IGSF9B: variants seen among roughly 807,000 people sequenced by gnomAD.
IGSF9B encodes the protein protein turtle homolog B.
A neutral mutation model predicts 143.7 loss-of-function variants in IGSF9B; 48 were observed. That is an observed-to-expected ratio of 0.33 (90% confidence interval 0.26 to 0.42). The LOEUF (loss-of-function observed/expected upper bound fraction) is 0.42, where lower values mean the gene tolerates loss of function less well. Ranked by LOEUF, IGSF9B falls within the 20% of genes least tolerant of loss-of-function variation. The pLI is 1.00. For missense variants in IGSF9B, 1,706 were observed against 1,980.0 expected (o/e 0.86, Z 2.63); for synonymous variants, 903 against 833.1 (o/e 1.08, Z -1.44).
intron 1 of IGSF9B, among the ~76,000 whole-genome samples, chr11:133,950,494 C>A (rs1375356417): frequency 6.6e-6 from 1 of 152,162 alleles, no homozygotes; most frequent in African/African-American, 2.4e-5. Flanking sequence ...CAGCTGTGCC[C>A]GATGCACGGA....
chr11:133,934,333 A>G (rs760056295), intron 7 of IGSF9B, among the ~76,000 whole-genome samples: 18 of 152,214 alleles, frequency 1.2e-4, no homozygotes, highest in Non-Finnish European at 2.1e-4. Flanking sequence ...GCCTGCGTCC[A>G]GCACAGAGGG....
chr11:133,920,871 G>A lies in IGSF9B; in HGVS notation c.2854C>T (p.Gln952Ter), dbSNP rs1362771257. 2 of 1,605,438 alleles carry A rather than the reference G, an allele frequency of 1.2e-6. No individual in the cohort carries two copies. Among genetic ancestry groups the A allele is most frequent in the African/African-American group, 1.3e-5 (1 of 74,694 alleles). The stretch of plus-strand genomic sequence containing the variant: ...GGCCGGGGGGCAGGGGGCCGGGCCT[G>A]GCCTGTGGCCTGAAGCCGACCTTCC... ...GLEGRLQATGQARPPAPRPFH... is the reference protein window; with the variant it reads ...GLEGRLQATG The change falls in exon 18 of 20, where the codon CAG becomes TAG. Residue 952 changes from glutamine (Q) to a stop codon, truncating the protein, a stop_gained. Coordinates refer to ENST00000533871, the MANE Select transcript of IGSF9B (RefSeq NM_001277285.4). LOFTEE classifies it high-confidence loss of function.
At position 133,944,323 on chromosome 11, in the gene IGSF9B, T is replaced by C. The variant is rs1940003950; in HGVS notation, c.306A>G (p.Gln102=). 1 of 1,613,848 alleles carries C rather than the reference T, an allele frequency of 6.2e-7. No homozygotes were observed. The highest frequency in any genetic ancestry group is 8.5e-7 in the Non-Finnish European group (1 of 1,179,890). ...ACCAGCCCTGGTCCTCAGAGCGAAC[T>C]TGTTCCAGCCGCAGAGATGCCTTAT... The part of the protein sequence containing the change: ...LHDKASLRLE[Q]VRSEDQGWYE... Residue 102 remains glutamine, a synonymous_variant, in exon 3 of 20, where the codon CAA becomes CAG. Coordinates refer to ENST00000533871, the MANE Select transcript of IGSF9B (RefSeq NM_001277285.4).
chr11:133,922,836 G>T, intron 15 of IGSF9B, 106 bp from the exon 16 acceptor site: 1 of 1,125,130 alleles, frequency 8.9e-7, no homozygotes, highest in Non-Finnish European at 1.2e-6. Flanking sequence ...AGAACAGACA[G>T]TGTCAAGGCT....
At position 133,921,301 on chromosome 11, in the gene IGSF9B, C is replaced by T. The variant is rs746341697; in HGVS notation, c.2424G>A (p.Met808Ile). ...DDQGQPAAKR[M>I]LSPTREKELS... Reference sequence around the variant, plus strand: ...GCTCCTTCTCACGGGTGGGGCTCAGCATCCTCTTGGCCGCGGGCTGGCCCT... The same window carrying T: ...GCTCCTTCTCACGGGTGGGGCTCAGTATCCTCTTGGCCGCGGGCTGGCCCT... Residue 808 changes from methionine to isoleucine, a missense_variant, in exon 18 of 20, where the codon ATG becomes ATA. Physicochemically the swap from Met to Ile is conservative, Grantham distance 10. Around this residue, in one of 7 missense-constraint regions of IGSF9B, gnomAD observed 135 missense variants for 181.3 expected, o/e 0.74. Transcript: ENST00000533871. 1 of 1,609,490 alleles carries T rather than the reference C, an allele frequency of 6.2e-7. No individual in the cohort carries two copies. Among genetic ancestry groups the T allele is most frequent in the African/African-American group, 1.3e-5 (1 of 74,992 alleles).
At position 133,931,144 on chromosome 11, in the gene IGSF9B, CA is replaced by C; in HGVS notation, c.1369-11del. ...TGCTGGGCTTCCCTACCTTGGTGAA[CA>C]AGGGGCAGGGAAGAGGGTGGGAACA... On this transcript the variant is annotated splice_polypyrimidine_tract_variant and intron_variant, in intron 10 of 19. Transcript: ENST00000533871. The surrounding 1 kb of genome is among the most constrained non-coding windows in gnomAD (Gnocchi z 7.7). The C allele has an allele frequency of 6.2e-7, 1 of 1,609,822 alleles. No individual in the cohort carries two copies. Among genetic ancestry groups the C allele is most frequent in the Non-Finnish European group, 8.5e-7 (1 of 1,177,488 alleles).
rs1939124444 is a variant in IGSF9B, at chr11:133,901,776, T to C, written c.*7293A>G. ...CTACGCAGGCAAATCAGCATGTCTGTACAAATCTCTCTCACACACACCACA... is the reference window on the plus strand; with the variant it reads ...CTACGCAGGCAAATCAGCATGTCTGCACAAATCTCTCTCACACACACCACA... On this transcript the variant is annotated 3_prime_UTR_variant, in exon 20 of 20. Transcript: ENST00000533871. 6.7e-6 allele frequency among the ~76,000 whole-genome samples: 1 copy of C among 149,930 alleles called. No individual in the cohort carries two copies. Among genetic ancestry groups the C allele is most frequent in the African/African-American group, 2.4e-5 (1 of 41,042 alleles).
In IGSF9B at chr11:133,944,211, G is replaced by A. The variant is rs1259780608; in HGVS notation, c.409+9C>T. The stretch of plus-strand genomic sequence containing the variant: ...GTGAGGTGGACCCACCCTGGAAGCC[G>A]TCACTCACCGTTGATGGTGAGGTGG... On this transcript the variant is annotated intron_variant, in intron 3 of 19. Coordinates refer to ENST00000533871, the MANE Select transcript of IGSF9B (RefSeq NM_001277285.4). The A allele has an allele frequency of 2.4e-5, 38 of 1,590,074 alleles. No individual in the cohort carries two copies. Among genetic ancestry groups the A allele is most frequent in the East Asian group, 9.0e-5 (4 of 44,316 alleles).
In IGSF9B at chr11:133,926,960, A is replaced by C; in HGVS notation, c.1763T>G (p.Leu588Arg). The C allele has an allele frequency of 6.3e-7, 1 of 1,597,868 alleles. No homozygotes were observed. The highest frequency in any genetic ancestry group is 2.3e-5 in the East Asian group (1 of 44,050). Residue 588 changes from leucine (L) to arginine (R), a missense_variant, in exon 13 of 20, where the codon CTG becomes CGG. This residue lies in a region of IGSF9B where 267 missense variants were observed against 321.1 expected (regional missense o/e 0.83). Transcript: ENST00000533871. The part of the protein sequence containing the change: ...YQFSVLAQNK[L>R]GTSAFSEVVT... Reference sequence around the variant, plus strand: ...CACCTCACTGAAGGCGCTGGTTCCCAGCTTGTTCTGGGCCAGGACGCTGAA... The same window carrying C: ...CACCTCACTGAAGGCGCTGGTTCCCCGCTTGTTCTGGGCCAGGACGCTGAA...
At chr11:133,937,230 A>T (rs186869914) in intron 5 of IGSF9B, 146 bp downstream of exon 5, 116 of 588,392 alleles carry the variant, frequency 2.0e-4, no homozygotes, top group East Asian at 1.8e-3. Flanking sequence ...AGCAGGCAGC[A>T]CACAGGAGCC....
chr11:133,910,272 C>T (rs550897387), intron 19 of IGSF9B, among the ~76,000 whole-genome samples: 19 of 152,252 alleles, frequency 1.2e-4, no homozygotes, highest in Admixed American at 2.6e-4. Context: ...TCCTGCAGTT[C>T]GCCGTGGTGG....
At position 133,896,744 on chromosome 11, in the gene IGSF9B, G is replaced by A. The variant is rs924300073; in HGVS notation, c.*12325C>T. The A allele has an allele frequency of 6.6e-6, 1 of 152,244 alleles. No homozygotes were observed. 9.4% of individuals were successfully genotyped at this position (152,244 alleles called of 1,614,324 possible). The stretch of plus-strand genomic sequence containing the variant: ...CGAGTGGAGCCTGGCGTGGTAGCCT[G>A]AGCTGAGGCAGGCTGCAGGTTCTCT... On this transcript the variant is annotated 3_prime_UTR_variant, in exon 20 of 20. Transcript: ENST00000533871.
At chr11:133,946,757 A>G (rs1263364927) in intron 1 of IGSF9B, among the ~76,000 whole-genome samples, 1 of 152,214 alleles carries the variant, frequency 6.6e-6, no homozygotes, top group African/African-American at 2.4e-5. Flanking sequence ...TGACAGAGCC[A>G]GCCTTCCTCC....
chr11:133,946,379 G>A (rs547235223), intron 1 of IGSF9B, 121 bp from the exon 2 acceptor site: 21 of 791,984 alleles, frequency 2.7e-5, no homozygotes, highest in Admixed American at 6.3e-5. Context: ...ATGGGCCACC[G>A]TACCCTCCCA....
At chr11:133,941,641 T>C (rs1219340269) in intron 3 of IGSF9B, among the ~76,000 whole-genome samples, 2 of 152,204 alleles carry the variant, frequency 1.3e-5, no homozygotes, top group African/African-American at 4.8e-5. Flanking sequence ...TGTGCGCAGG[T>C]AGGTGCCTTG....
rs1290272718 is a variant in IGSF9B, at chr11:133,906,920, C to T, written c.*2149G>A. Among the ~76,000 whole-genome samples, 1 of 152,140 alleles carries T rather than the reference C, an allele frequency of 6.6e-6. No homozygotes were observed. Among genetic ancestry groups the T allele is most frequent in the Non-Finnish European group, 1.5e-5 (1 of 68,036 alleles). On this transcript the variant is annotated 3_prime_UTR_variant, in exon 20 of 20. Coordinates refer to ENST00000533871, the MANE Select transcript of IGSF9B (RefSeq NM_001277285.4). ...TCAGGTAAGCCGGCTCCCGTCATCC[C>T]CCAGGAGAGACGCCCAAGTGAGCAG...
At position 133,931,347 on chromosome 11, in the gene IGSF9B, T is replaced by C; in HGVS notation, c.1368+106A>G. On this transcript the variant is annotated intron_variant, in intron 10 of 19. Coordinates refer to ENST00000533871, the MANE Select transcript of IGSF9B (RefSeq NM_001277285.4). This position sits in a 1 kb window ranked among gnomAD's most constrained non-coding sequence, Gnocchi z 7.7. ...GAACTGCTCGCTGGGCCCTCACACC[T>C]CCCCTCAGCCCCGGGGCTCGCTGGG... 1 of 886,234 alleles carries C rather than the reference T, an allele frequency of 1.1e-6. No individual in the cohort carries two copies. The highest frequency in any genetic ancestry group is 1.8e-6 in the Non-Finnish European group (1 of 570,918). 54.9% of individuals were successfully genotyped at this position (886,234 alleles called of 1,614,324 possible).
rs534066863 is a variant in IGSF9B at position 133,898,885 on chromosome 11, A to G, written c.*10184T>C. ...CCCACCTCCTACTTTCAGACCGCCC[A>G]AAGTGGATCACCATGAACATCTACC... On this transcript the variant is annotated 3_prime_UTR_variant, in exon 20 of 20. Transcript: ENST00000533871. 6.6e-6 allele frequency: 1 copy of G among 152,352 alleles called. No individual in the cohort carries two copies. Among genetic ancestry groups the G allele is most frequent in the Non-Finnish European group, 1.5e-5 (1 of 68,080 alleles). 9.4% of individuals were successfully genotyped at this position (152,352 alleles called of 1,614,324 possible). A position where few individuals can be genotyped will look rare whatever the true frequency, so the allele number is the denominator to read the frequency against.
intron 1 of IGSF9B, among the ~76,000 whole-genome samples, chr11:133,947,592 C>T (rs776930534): frequency 1.4e-4 from 22 of 152,238 alleles, no homozygotes; most frequent in Non-Finnish European, 5.9e-5. Context: ...GTCTGACTCT[C>T]TCTGCATCTC....
Sources: gnomAD v4.1 joint callset for allele counts (sites outside exome capture counted in the v4.1 genomes callset) on GRCh38, gnomAD v4.1.1 for gene constraint, gnomAD v4.1.1 regional missense constraint, Gnocchi (gnomAD v3.1) non-coding constraint, MANE v1.5 for transcripts, NCBI Gene and HGNC (gene_info 2026-07-23, HGNC 2026-07-21) for gene names.